The following TBCK variants were observed in gnomAD, a reference collection of about 807,000 sequenced individuals.
TBCK encodes the protein TBC1 domain containing kinase, also known as TBC domain-containing protein kinase-like protein.
TBCK carries 99 observed loss-of-function variants against 113.4 expected under a neutral mutation model. That is an observed-to-expected ratio of 0.87 (90% CI 0.74 to 1.03). TBCK has a LOEUF of 1.03. Among genes scored for constraint, TBCK ranks in the 50% least tolerant of loss-of-function variants. The pLI is 0.00. For missense variants in TBCK, 1,045 were observed against 1,061.3 expected, an observed-to-expected ratio of 0.98 and a Z score of 0.21; for synonymous variants, 369 against 370.8, an observed-to-expected ratio of 1.00 and a Z score of 0.05.
intron 20 of TBCK, among the ~76,000 whole-genome samples, chr4:106,205,175 T>C (rs986146614): frequency 2.0e-5 from 3 of 152,194 alleles, no homozygotes; most frequent in East Asian, 1.9e-4. Context: ...CACTGTGAAA[T>C]TGGTCGGTTC....
At chr4:106,200,362 A>T (rs969234914) in intron 20 of TBCK, among the ~76,000 whole-genome samples, 3 of 152,172 alleles carry the variant, frequency 2.0e-5, no homozygotes, top group African/African-American at 7.2e-5. Context: ...TAACATAGGG[A>T]GACCTCATGT....
rs1239426810 is a variant in TBCK, at chr4:106,193,771, C to T, written c.1898-1G>A. On this transcript the variant is annotated splice_acceptor_variant, in intron 21 of 25. Transcript: ENST00000394708. LOFTEE classifies it high-confidence loss of function. ...AAAATTTTGTGTAGTGGAAATACAT[C>T]TGTAAAACGATAAAAATACAAATAA... The T allele has an allele frequency of 6.5e-7, 1 of 1,536,024 alleles. No individual in the cohort carries two copies. Among genetic ancestry groups the T allele is most frequent in the Non-Finnish European group, 8.7e-7 (1 of 1,145,024 alleles).
intron 23 of TBCK, among the ~76,000 whole-genome samples, chr4:106,164,928 T>C (rs1436578133): frequency 3.3e-5 from 5 of 151,774 alleles, no homozygotes; most frequent in African/African-American, 4.8e-5. Flanking sequence ...GGTAATGCAA[T>C]AAATGCTATC....
chr4:106,264,987 C>T (rs556796782), intron 3 of TBCK, among the ~76,000 whole-genome samples: 123 of 152,032 alleles, frequency 8.1e-4, no homozygotes, highest in Non-Finnish European at 1.5e-3. Flanking sequence ...CATCCTGTCA[C>T]TCTTCCCTGG....
At chr4:106,307,339 T>A (rs2125889381) in intron 2 of TBCK, among the ~76,000 whole-genome samples, 1 of 152,270 alleles carries the variant, frequency 6.6e-6, no homozygotes. Flanking sequence ...AAGGATTAAG[T>A]TAATTAAAAT....
chr4:106,193,498 A>G (rs1243091539), intron 22 of TBCK, 111 bp downstream of exon 22: 12 of 1,118,142 alleles, frequency 1.1e-5, no homozygotes, highest in Non-Finnish European at 1.4e-5. Flanking sequence ...ATGAGGCCCA[A>G]ACAGAAGAGA....
At chr4:106,192,101 C>A (rs72891628) in intron 22 of TBCK, among the ~76,000 whole-genome samples, 1 of 152,106 alleles carries the variant, frequency 6.6e-6, no homozygotes, top group Non-Finnish European at 1.5e-5. Flanking sequence ...GGAATTAAGA[C>A]AGAAATATGT....
At chr4:106,117,804 T>C (rs544733193) in intron 23 of TBCK, among the ~76,000 whole-genome samples, 1 of 152,180 alleles carries the variant, frequency 6.6e-6, no homozygotes, top group East Asian at 1.9e-4. Flanking sequence ...GGTCAGGAAA[T>C]GGAGACCATC....
intron 19 of TBCK, among the ~76,000 whole-genome samples, chr4:106,217,542 G>A (rs1386966716): frequency 2.0e-5 from 3 of 152,034 alleles, no homozygotes; most frequent in African/African-American, 4.8e-5. Flanking sequence ...AAATCAATGT[G>A]CAAAAATCAC....
At chr4:106,158,940 C>A (rs1749428654) in intron 23 of TBCK, among the ~76,000 whole-genome samples, 1 of 151,532 alleles carries the variant, frequency 6.6e-6, no homozygotes, top group Non-Finnish European at 1.5e-5. Flanking sequence ...TAAAATTATA[C>A]AGCATGATCA....
intron 24 of TBCK, among the ~76,000 whole-genome samples, chr4:106,106,997 C>A (rs886956193): frequency 6.6e-6 from 1 of 151,342 alleles, no homozygotes; most frequent in African/African-American, 2.4e-5. Context: ...ATCCTAATTT[C>A]AGATAAAACA....
chr4:106,168,118 C>T (rs888507752), intron 23 of TBCK, among the ~76,000 whole-genome samples: 3 of 151,718 alleles, frequency 2.0e-5, no homozygotes, highest in Non-Finnish European at 4.4e-5. Context: ...AAGTCAAATC[C>T]AACAATGTAT....
chr4:106,227,675 T>C (rs921654683), intron 19 of TBCK, among the ~76,000 whole-genome samples: 1 of 151,994 alleles, frequency 6.6e-6, no homozygotes, highest in African/African-American at 2.4e-5. Context: ...TAAAATAACG[T>C]AGGAAGAATT....
At chr4:106,303,696 C>G (rs1767198364) in intron 2 of TBCK, among the ~76,000 whole-genome samples, 1 of 152,088 alleles carries the variant, frequency 6.6e-6, no homozygotes, top group Admixed American at 6.6e-5. Context: ...ATTAGGCTTT[C>G]TTCCCTAGGG....
chr4:106,249,057 A>C (rs1761152761), intron 7 of TBCK, 75 bp from the exon 8 acceptor site: 1 of 1,116,282 alleles, frequency 9.0e-7, no homozygotes, highest in East Asian at 2.6e-5. Flanking sequence ...TAAACTGATC[A>C]AAAATGTTTT....
intron 23 of TBCK, among the ~76,000 whole-genome samples, chr4:106,155,455 AG>A (rs1749013562): frequency 6.6e-6 from 1 of 152,132 alleles, no homozygotes; most frequent in African/African-American, 2.4e-5. Context: ...TTTTATTCAA[AG>A]GGGTAATAAC....
At chr4:106,240,189 T>C (rs1759931813) in intron 12 of TBCK, among the ~76,000 whole-genome samples, 1 of 152,002 alleles carries the variant, frequency 6.6e-6, no homozygotes, top group Non-Finnish European at 1.5e-5. Flanking sequence ...CACCCATTCA[T>C]AACAAAACTT....
At chr4:106,069,691 G>A (rs1357141233) in intron 25 of TBCK, among the ~76,000 whole-genome samples, 1 of 152,184 alleles carries the variant, frequency 6.6e-6, no homozygotes, top group Non-Finnish European at 1.5e-5. Context: ...AAAGTCATTG[G>A]TAGTTTGATG....
chr4:106,128,394 A>C (rs370494147), intron 23 of TBCK, among the ~76,000 whole-genome samples: 2 of 152,364 alleles, frequency 1.3e-5, no homozygotes, highest in South Asian at 2.1e-4. Context: ...ATCAAGATGC[A>C]TATAGTCCTA....
Sources: gnomAD v4.1 joint callset for allele counts (sites outside exome capture counted in the v4.1 genomes callset) on GRCh38, gnomAD v4.1.1 for gene constraint, MANE v1.5 for transcripts, NCBI Gene and HGNC (gene_info 2026-07-23, HGNC 2026-07-21) for gene names.